Variants in EMC2 observed in about 807,000 individuals in gnomAD.
EMC2 encodes the protein ER membrane protein complex subunit 2.
In EMC2, 37 loss-of-function variants were observed where a neutral mutation model predicts 51.6. The observed-to-expected ratio is 0.72, with a 90% CI of 0.55 to 0.94. The LOEUF (loss-of-function observed/expected upper bound fraction) is 0.94, where lower values mean the gene tolerates loss of function less well. Ranked by LOEUF, EMC2 falls within the 40% of genes least tolerant of loss-of-function variation. The pLI, the probability that EMC2 is intolerant of heterozygous loss-of-function variation, is 0.00. For missense variants in EMC2, 359 were observed against 350.9 expected (o/e 1.02, Z -0.18); for synonymous variants, 131 against 112.4 (o/e 1.17, Z -1.04).
intron 5 of EMC2, among the ~76,000 whole-genome samples, chr8:108,469,290 T>C (rs1271786269): frequency 6.6e-6 from 1 of 152,210 alleles, no homozygotes; most frequent in African/African-American, 2.4e-5. Flanking sequence ...AACTTTAGAA[T>C]ACAGCTTCTA....
chr8:108,457,928 C>A (rs1314133965), intron 5 of EMC2, among the ~76,000 whole-genome samples: 2 of 152,186 alleles, frequency 1.3e-5, no homozygotes, highest in South Asian at 4.1e-4. Flanking sequence ...TCCCTTCCAC[C>A]TATGATCCTG....
intron 5 of EMC2, among the ~76,000 whole-genome samples, chr8:108,466,442 A>ATTTTTTTTTTTTTTTT (rs869102478): frequency 2.2e-5 from 2 of 91,062 alleles, no homozygotes; most frequent in African/African-American, 4.7e-5. Flanking sequence ...CTATGATAGA[A>ATTTTTTTTTTTTTTTT]TTTTTTTTTT....
chr8:108,458,866 C>G (rs529773379), intron 5 of EMC2, among the ~76,000 whole-genome samples: 2 of 152,324 alleles, frequency 1.3e-5, no homozygotes, highest in South Asian at 4.1e-4. Flanking sequence ...GTTTACTTTT[C>G]TATTGCATTG....
Position 108,488,901 on chromosome 8 carries a change from C to G in EMC2, c.*2303C>G, listed in dbSNP as rs891191785. Among the ~76,000 whole-genome samples, 1 of 152,126 alleles carries G rather than the reference C, an allele frequency of 6.6e-6. No individual in the cohort carries two copies. Among genetic ancestry groups the G allele is most frequent in the African/African-American group, 2.4e-5 (1 of 41,440 alleles). ...GAAATTGAATGAAATGAACAGAACC[C>G]TACTGAGAAGGGCTTTCCTTTCAAA... is the stretch of plus-strand genomic sequence containing the variant. On this transcript the variant is annotated 3_prime_UTR_variant, in exon 11 of 11. Coordinates refer to ENST00000220853, the MANE Select transcript of EMC2 (RefSeq NM_014673.5).
At chr8:108,459,836 A>G (rs568308621) in intron 5 of EMC2, among the ~76,000 whole-genome samples, 4 of 148,134 alleles carry the variant, frequency 2.7e-5, no homozygotes, top group South Asian at 4.4e-4. Flanking sequence ...AAAAATTTTG[A>G]CAGTTGCAAA....
chr8:108,447,152 A>G (rs187499163), intron 1 of EMC2, among the ~76,000 whole-genome samples: 70 of 152,308 alleles, frequency 4.6e-4, no homozygotes, highest in African/African-American at 1.6e-3. Context: ...TTGCATTTAC[A>G]AAGGATTCTA....
intron 7 of EMC2, among the ~76,000 whole-genome samples, chr8:108,471,981 T>C (rs1344898821): frequency 3.9e-5 from 6 of 151,956 alleles, no homozygotes; most frequent in African/African-American, 1.4e-4. Context: ...GTGAAATTGG[T>C]TCTACCTTTT....
At chr8:108,448,174 A>G (rs1047803619) in intron 1 of EMC2, among the ~76,000 whole-genome samples, 1 of 152,214 alleles carries the variant, frequency 6.6e-6, no homozygotes, top group Non-Finnish European at 1.5e-5. Context: ...AACTTTATAT[A>G]TATTTTATGT....
chr8:108,456,332 C>CAAAAAAAAAAAAAAAAAAAAAAAAAAA (rs869162246), intron 5 of EMC2, among the ~76,000 whole-genome samples: 2 of 23,610 alleles, frequency 8.5e-5, no homozygotes, highest in Non-Finnish European at 1.5e-4. Context: ...GACTTCGTGT[C>CAAAAAAAAAAAAAAAAAAAAAAAAAAA]AAAAAAAAAA....
rs142849306 is a variant in EMC2, at chr8:108,471,855, C to G, written c.509+1734C>G. Among the ~76,000 whole-genome samples the G allele has an allele frequency of 6.0e-3, 919 of 151,920 alleles. 10 individuals are homozygous for G. The highest frequency in any genetic ancestry group is 0.021 in the African/African-American group (875 of 41,502). On this transcript the variant is annotated intron_variant, in intron 7 of 10. Transcript: ENST00000220853. Reference sequence around the variant, plus strand: ...TTTTCTGTGGTTTTGATAAATAGTTCCTGATTGTTCCCTAGAATGGTAACA... The same window carrying G: ...TTTTCTGTGGTTTTGATAAATAGTTGCTGATTGTTCCCTAGAATGGTAACA...
chr8:108,465,528 A>G, intron 5 of EMC2, among the ~76,000 whole-genome samples: 1 of 152,198 alleles, frequency 6.6e-6, no homozygotes, highest in East Asian at 1.9e-4. Context: ...AATAGGATCT[A>G]TGTTGTTGGC....
Position 108,486,760 on chromosome 8 carries a change from T to A in EMC2, c.*162T>A. ...GTTTATATAAACCTAAAAATGCCTT[T>A]TACTGCTAAGTGGGGAGATGGGGGA... On this transcript the variant is annotated 3_prime_UTR_variant, in exon 11 of 11. Transcript: ENST00000220853. The A allele has an allele frequency of 1.5e-6, 1 of 653,322 alleles. No homozygotes were observed. Among genetic ancestry groups the A allele is most frequent in the Non-Finnish European group, 2.3e-6 (1 of 428,524 alleles). The allele number at this position is 653,322 out of a possible 1,614,324, so 40.5% of individuals were successfully genotyped here. A position where few individuals can be genotyped will look rare whatever the true frequency, so the allele number is the denominator to read the frequency against.
chr8:108,479,589 C>T (rs967471042), intron 10 of EMC2, among the ~76,000 whole-genome samples: 13 of 152,074 alleles, frequency 8.5e-5, no homozygotes, highest in African/African-American at 2.4e-4. Context: ...TTCTAAAGTT[C>T]GTCCTTAGCA....
chr8:108,463,236 T>C (rs1819373716), intron 5 of EMC2, among the ~76,000 whole-genome samples: 1 of 152,200 alleles, frequency 6.6e-6, no homozygotes, highest in Non-Finnish European at 1.5e-5. Flanking sequence ...GTCATCGAAA[T>C]AGGATATATT....
At chr8:108,452,763 A>G (rs1819058423) in intron 3 of EMC2, among the ~76,000 whole-genome samples, 1 of 152,206 alleles carries the variant, frequency 6.6e-6, no homozygotes, top group African/African-American at 2.4e-5. Flanking sequence ...ACATTATAGA[A>G]GTAGTTTTTA....
chr8:108,471,038 A>G (rs1810845872), intron 7 of EMC2: 1 of 152,028 alleles, frequency 6.6e-6, no homozygotes, highest in Non-Finnish European at 1.5e-5. Context: ...GGGAGCTAAA[A>G]TAAAAGTAAT....
chr8:108,465,137 T>G (rs1468950946), intron 5 of EMC2, among the ~76,000 whole-genome samples: 1 of 152,202 alleles, frequency 6.6e-6, no homozygotes, highest in Non-Finnish European at 1.5e-5. Flanking sequence ...CTATTCTGAG[T>G]AATATTATAG....
rs758596346 is a variant in EMC2, at chr8:108,486,559, C to G, written c.855C>G (p.Val285=). 6 of 1,590,498 alleles carry G rather than the reference C, an allele frequency of 3.8e-6. No individual in the cohort carries two copies. The African/African-American group carries it at 8.4e-5, about 22-fold the overall frequency. ...KKETKYSLKA[V]EDMLETLQIT... The stretch of plus-strand genomic sequence containing the variant: ...AAACCAAATATTCTCTTAAGGCTGT[C>G]GAAGACATGTTGGAAACATTGCAGA... Residue 285 remains valine (V), a synonymous_variant, in exon 11 of 11, where the codon GTC becomes GTG. Transcript: ENST00000220853.
rs551329079 is a variant in EMC2 at position 108,486,362 on chromosome 8, A to G, written c.808-150A>G. On this transcript the variant is annotated intron_variant, in intron 10 of 10. Transcript: ENST00000220853. Reference sequence around the variant, plus strand: ...AAAATGTCCTTAATACTCAAATTTTATTCTTATTGAAAAAGCAAAGAATAT... The same window carrying G: ...AAAATGTCCTTAATACTCAAATTTTGTTCTTATTGAAAAAGCAAAGAATAT... 19 of 1,192,170 alleles carry G rather than the reference A, an allele frequency of 1.6e-5. No individual in the cohort carries two copies. The East Asian group carries it at 5.2e-4, about 32-fold the overall frequency. 73.8% of individuals were successfully genotyped at this position (1,192,170 alleles called of 1,614,324 possible).
Sources: allele counts gnomAD v4.1 joint callset (sites outside exome capture counted in the v4.1 genomes callset), GRCh38; gene constraint gnomAD v4.1.1; transcripts MANE v1.5; gene names NCBI Gene and HGNC (gene_info 2026-07-23, HGNC 2026-07-21).